The following MASP2 variants were observed in gnomAD, a reference collection of about 807,000 sequenced individuals.
The protein encoded by MASP2 is MBL associated serine protease 2, also known as mannan-binding lectin serine protease 2.
MASP2 carries 49 observed loss-of-function variants against 57.1 expected under a neutral mutation model. That is an observed-to-expected ratio of 0.86 (90% CI 0.68 to 1.09). The LOEUF is 1.09. MASP2 is among the 50% of genes least tolerant of loss of function. MASP2 has a pLI of 0.00. For missense variants in MASP2, 900 were observed against 874.8 expected (o/e 1.03, Z -0.36); for synonymous variants, 379 against 340.8 (o/e 1.11, Z -1.24).
chr1:11,026,820 C>T lies in MASP2; in HGVS notation c.*65G>A, dbSNP rs894062190. The T allele has an allele frequency of 9.4e-6, 13 of 1,375,932 alleles. No individual in the cohort carries two copies. Among genetic ancestry groups the T allele is most frequent in the Non-Finnish European group, 1.3e-5 (13 of 1,036,332 alleles). The allele number at this position is 1,375,932 out of a possible 1,614,324, so 85.2% of individuals were successfully genotyped here. A position where few individuals can be genotyped will look rare whatever the true frequency, so the allele number is the denominator to read the frequency against. ...GTAATGATGAATGCTTCTCGAGCCA[C>T]GTCGCTGCCAAGGTCTTCACAGGCA... On this transcript the variant is annotated 3_prime_UTR_variant, in exon 11 of 11. Coordinates refer to ENST00000400897, the MANE Select transcript of MASP2 (RefSeq NM_006610.4).
intron 9 of MASP2, 44 bp downstream of exon 9, chr1:11,030,704 A>C (rs1643828903): frequency 6.5e-7 from 1 of 1,546,394 alleles, no homozygotes; most frequent in African/African-American, 1.4e-5. Context: ...TGGGGGCTCA[A>C]GTTCCAAGTA....
chr1:11,037,041 C>T (rs1054203436), intron 7 of MASP2, among the ~76,000 whole-genome samples: 1 of 151,904 alleles, frequency 6.6e-6, no homozygotes, highest in Non-Finnish European at 1.5e-5. Flanking sequence ...AGAAAAGTTG[C>T]CCGTTTTATT....
chr1:11,034,406 A>AG (rs1041733765), intron 8 of MASP2, among the ~76,000 whole-genome samples: 4 of 151,828 alleles, frequency 2.6e-5, no homozygotes, highest in Non-Finnish European at 5.9e-5. Context: ...TTAAAAAAAA[A>AG]AAACCAAGGA....
At chr1:11,030,586 T>C in intron 9 of MASP2, 162 bp downstream of exon 9, 1 of 770,492 alleles carries the variant, frequency 1.3e-6, no homozygotes, top group South Asian at 2.1e-5. Context: ...CAAATTGACA[T>C]TAAAGTCACT....
chr1:11,030,676 A>ATAAC, intron 9 of MASP2, 72 bp downstream of exon 9: 1 of 1,489,922 alleles, frequency 6.7e-7, no homozygotes, highest in Middle Eastern at 1.8e-4. Flanking sequence ...ATGTTGGTTA[A>ATAAC]AGTTTATTTT....
intron 10 of MASP2, among the ~76,000 whole-genome samples, chr1:11,028,574 T>C (rs1018285630): frequency 2.0e-5 from 3 of 152,200 alleles, no homozygotes; most frequent in Non-Finnish European, 2.9e-5. Flanking sequence ...GCATATATGT[T>C]TGCTGTTGTG....
At chr1:11,039,589 T>A (rs150471588) in intron 6 of MASP2, among the ~76,000 whole-genome samples, 2 of 148,426 alleles carry the variant, frequency 1.3e-5, no homozygotes, top group South Asian at 4.3e-4. Context: ...GCTGGAAGGA[T>A]GGATGGATGA....
intron 8 of MASP2, among the ~76,000 whole-genome samples, chr1:11,031,781 C>T (rs538340794): frequency 9.2e-4 from 140 of 151,850 alleles, no homozygotes; most frequent in African/African-American, 3.3e-3. Flanking sequence ...ATTGGCTGGG[C>T]TTGGTGGCGT....
chr1:11,034,546 A>C (rs1643874385), intron 8 of MASP2, among the ~76,000 whole-genome samples: 1 of 151,870 alleles, frequency 6.6e-6, no homozygotes, highest in African/African-American at 2.4e-5. Flanking sequence ...AATAATACAA[A>C]AATTAGCCAG....
intron 10 of MASP2, 82 bp from the exon 11 acceptor site, chr1:11,027,730 T>C (rs970218534): frequency 2.1e-6 from 3 of 1,451,270 alleles, no homozygotes; most frequent in African/African-American, 1.4e-5. Context: ...CCTTGAAGTA[T>C]ATATTTGATG....
chr1:11,035,251 C>T (rs964627686), intron 7 of MASP2, among the ~76,000 whole-genome samples: 3 of 152,198 alleles, frequency 2.0e-5, no homozygotes, highest in African/African-American at 7.2e-5. Flanking sequence ...CAGCCAGGTG[C>T]GGTGGCTCAT....
intron 3 of MASP2, chr1:11,046,165 AC>A (rs1638631976): frequency 3.1e-6 from 1 of 320,830 alleles, no homozygotes; most frequent in Non-Finnish European, 6.1e-6. Context: ...GGTGCGCACC[AC>A]CACGCCCAGC....
intron 9 of MASP2, 118 bp downstream of exon 9, chr1:11,030,630 A>G (rs1396001304): frequency 1.8e-6 from 2 of 1,119,170 alleles, no homozygotes; most frequent in Non-Finnish European, 2.5e-6. Context: ...GGATGGGAGA[A>G]GTGGCTTTTA....
chr1:11,042,886 T>C lies in MASP2; in HGVS notation c.878A>G (p.Tyr293Cys). Residue 293 changes from tyrosine (Y) to cysteine (C), a missense_variant, in exon 6 of 11, where the codon TAC becomes TGC. Transcript: ENST00000400897. Reference sequence around the variant, plus strand: ...ACCCACTTGCTCACCTGTGCTCGTGTAGTGGATCTTCCAGCCTGTGTGGTC... The same window carrying C: ...ACCCACTTGCTCACCTGTGCTCGTGCAGTGGATCTTCCAGCCTGTGTGGTC... ...SGDHTGWKIH[Y>C]TSTAQPCPYP... 6.2e-7 allele frequency: 1 copy of C among 1,613,952 alleles called. No individual in the cohort carries two copies. Among genetic ancestry groups the C allele is most frequent in the Non-Finnish European group, 8.5e-7 (1 of 1,179,900 alleles).
chr1:11,032,487 T>A (rs1643861949), intron 8 of MASP2, among the ~76,000 whole-genome samples: 1 of 151,758 alleles, frequency 6.6e-6, no homozygotes, highest in South Asian at 2.1e-4. Context: ...GGCGGGCGCC[T>A]GTAATCCCGG....
chr1:11,027,845 A>T (rs1193820401), intron 10 of MASP2, among the ~76,000 whole-genome samples, 197 bp from the exon 11 acceptor site: 1 of 152,192 alleles, frequency 6.6e-6, no homozygotes, highest in African/African-American at 2.4e-5. Context: ...ACCTTTTGGT[A>T]TTTCTTAGCT....
At chr1:11,030,129 C>T (rs750792086) in intron 10 of MASP2, 47 bp downstream of exon 10, 5 of 1,399,272 alleles carry the variant, frequency 3.6e-6, no homozygotes, top group Admixed American at 1.8e-5. Context: ...CCTACCCAGT[C>T]CTCCTTTCCA....
intron 4 of MASP2, 152 bp downstream of exon 4, chr1:11,045,256 G>T: frequency 8.8e-7 from 1 of 1,138,658 alleles, no homozygotes; most frequent in Non-Finnish European, 1.3e-6. Context: ...GGGGAAGCAG[G>T]GCTGAGAAGG....
chr1:11,037,697 A>T lies in MASP2; in HGVS notation c.1004T>A (p.Leu335Gln). The T allele has an allele frequency of 6.2e-7, 1 of 1,602,268 alleles. No individual in the cohort carries two copies. The highest frequency in any genetic ancestry group is 1.3e-5 in the African/African-American group (1 of 74,456). ...GTGTACTTTGTTTTAACTCACTTGC[A>T]GAAGCTCATAGCCAGTCTCGCAAAA... The part of the protein sequence containing the change: ...SIFCETGYEL[L>Q]QGHLPLKSFT... Residue 335 changes from leucine (L) to glutamine (Q), a missense_variant, in exon 7 of 11, where the codon CTG (leucine) becomes CAG (glutamine). Physicochemically the swap from Leu to Gln is moderately radical, Grantham distance 113 (BLOSUM62 -2). Coordinates refer to ENST00000400897, the MANE Select transcript of MASP2 (RefSeq NM_006610.4).
Sources: gnomAD v4.1 joint callset for allele counts (sites outside exome capture counted in the v4.1 genomes callset) on GRCh38, gnomAD v4.1.1 for gene constraint, MANE v1.5 for transcripts, NCBI Gene and HGNC (gene_info 2026-07-23, HGNC 2026-07-21) for gene names.